Variants in RNLS observed in about 807,000 individuals in gnomAD.
The protein encoded by RNLS is renalase, FAD dependent amine oxidase, also known as renalase.
RNLS carries 39 observed loss-of-function variants against 39.8 expected under a neutral mutation model. That is an observed-to-expected ratio of 0.98 (90% confidence interval 0.76 to 1.28). The LOEUF is 1.28. Ranked by LOEUF, RNLS falls within the 50% of genes most tolerant of loss-of-function variation. The pLI, the probability that RNLS is intolerant of heterozygous loss-of-function variation, is 0.00. For missense variants in RNLS, 410 were observed against 413.3 expected (o/e 0.99, Z 0.07); for synonymous variants, 147 against 150.7 (o/e 0.98, Z 0.18).
intron 4 of RNLS, among the ~76,000 whole-genome samples, chr10:88,428,562 G>A (rs1490535354): frequency 6.6e-6 from 1 of 151,954 alleles, no homozygotes; most frequent in Non-Finnish European, 1.5e-5. Flanking sequence ...TTTCTACTTT[G>A]TGCTGTTCTC....
At chr10:88,350,072 T>G (rs1385379093) in intron 5 of RNLS, among the ~76,000 whole-genome samples, 1 of 152,076 alleles carries the variant, frequency 6.6e-6, no homozygotes, top group Admixed American at 6.5e-5. Context: ...AACCTGACAG[T>G]TTTTCATGAT....
intron 4 of RNLS, among the ~76,000 whole-genome samples, chr10:88,504,718 C>A (rs769938591): frequency 1.3e-5 from 2 of 151,858 alleles, no homozygotes; most frequent in East Asian, 1.9e-4. Context: ...CTACTAAATT[C>A]GAAGAACAAT....
At chr10:88,451,046 A>G (rs1842331328) in intron 4 of RNLS, among the ~76,000 whole-genome samples, 3 of 152,198 alleles carry the variant, frequency 2.0e-5, no homozygotes, top group Admixed American at 2.0e-4. Context: ...AGTAGGACTA[A>G]TAGGAATACA....
At chr10:88,487,295 C>T (rs1343990710) in intron 4 of RNLS, among the ~76,000 whole-genome samples, 1 of 151,854 alleles carries the variant, frequency 6.6e-6, no homozygotes, top group Non-Finnish European at 1.5e-5. Flanking sequence ...GTACAATAAA[C>T]CGCCATGACA....
At chr10:88,568,508 T>G (rs1771918051) in intron 4 of RNLS, among the ~76,000 whole-genome samples, 1 of 152,084 alleles carries the variant, frequency 6.6e-6, no homozygotes, top group South Asian at 2.1e-4. Context: ...GCTATTTTTT[T>G]GTGTGTGTCG....
intron 4 of RNLS, among the ~76,000 whole-genome samples, chr10:88,531,281 T>C (rs911177814): frequency 1.1e-4 from 15 of 136,358 alleles, no homozygotes; most frequent in African/African-American, 4.1e-4. Flanking sequence ...AAGAGAAACA[T>C]AAAAGCAGAA....
the RNLS span, among the ~76,000 whole-genome samples, chr10:88,175,634 C>T: frequency 6.6e-6 from 1 of 152,110 alleles, no homozygotes; most frequent in Admixed American, 6.5e-5. Context: ...TTTTAAAAAG[C>T]TTATTGAGAC....
At chr10:88,303,592 A>C (rs1844692937) in intron 6 of RNLS, among the ~76,000 whole-genome samples, 1 of 152,012 alleles carries the variant, frequency 6.6e-6, no homozygotes, top group Non-Finnish European at 1.5e-5. Context: ...AACTGTCCAC[A>C]TTGCTTTGCT....
intron 5 of RNLS, among the ~76,000 whole-genome samples, chr10:88,339,121 G>C (rs536416361): frequency 1.6e-4 from 25 of 152,168 alleles, no homozygotes; most frequent in Non-Finnish European, 3.4e-4. Context: ...CATGGTGGTG[G>C]CTGTGGAATG....
chr10:88,511,008 C>T (rs1354322409), intron 4 of RNLS, among the ~76,000 whole-genome samples: 2 of 143,722 alleles, frequency 1.4e-5, no homozygotes, highest in Non-Finnish European at 3.0e-5. Flanking sequence ...ATTATTATGC[C>T]CATTTTACAA....
intron 3 of RNLS, among the ~76,000 whole-genome samples, chr10:88,576,279 C>T (rs1850204362): frequency 6.6e-6 from 1 of 152,130 alleles, no homozygotes; most frequent in Non-Finnish European, 1.5e-5. Flanking sequence ...CTCTTATTGA[C>T]TTTTGTTTCC....
intron 5 of RNLS, among the ~76,000 whole-genome samples, chr10:88,328,551 A>C (rs1193866084): frequency 6.6e-6 from 1 of 152,182 alleles, no homozygotes; most frequent in East Asian, 1.9e-4. Flanking sequence ...CTTTTTGATT[A>C]AACCATGTTT....
intron 4 of RNLS, among the ~76,000 whole-genome samples, chr10:88,486,116 G>A (rs1005068955): frequency 6.6e-6 from 1 of 151,996 alleles, no homozygotes; most frequent in African/African-American, 2.4e-5. Flanking sequence ...AACAACCAAT[G>A]GGGAAAGGAC....
chr10:88,209,543 C>T, the RNLS span, among the ~76,000 whole-genome samples: 2 of 152,160 alleles, frequency 1.3e-5, no homozygotes, highest in Admixed American at 6.6e-5. Flanking sequence ...CCTTCTAATA[C>T]CTTGATTTCA....
At chr10:88,235,176 G>C in the RNLS span, among the ~76,000 whole-genome samples, 1 of 146,478 alleles carries the variant, frequency 6.8e-6, no homozygotes. Flanking sequence ...GCTGAGGCAA[G>C]AGAATGGCGT....
At chr10:88,343,719 T>C (rs1167820618) in intron 5 of RNLS, 1 of 985,284 alleles carries the variant, frequency 1.0e-6, no homozygotes, top group African/African-American at 1.7e-5. Flanking sequence ...GAGAAGATTT[T>C]CTTTGGCCGA....
At chr10:88,383,406 C>T (rs1269992786) in intron 4 of RNLS, among the ~76,000 whole-genome samples, 1 of 152,110 alleles carries the variant, frequency 6.6e-6, no homozygotes, top group Non-Finnish European at 1.5e-5. Context: ...GAAATTTATA[C>T]TGTGGTAAAG....
chr10:88,220,655 A>G, the RNLS span, among the ~76,000 whole-genome samples: 1 of 152,158 alleles, frequency 6.6e-6, no homozygotes, highest in Non-Finnish European at 1.5e-5. Flanking sequence ...ACTCCAGTGC[A>G]TTTGTAATAG....
intron 5 of RNLS, among the ~76,000 whole-genome samples, chr10:88,339,309 G>T (rs1847759314): frequency 6.6e-6 from 1 of 152,156 alleles, no homozygotes; most frequent in Admixed American, 6.5e-5. Context: ...GCATAGATTA[G>T]GTAGGATATG....
Sources: allele counts gnomAD v4.1 joint callset (sites outside exome capture counted in the v4.1 genomes callset), GRCh38; gene constraint gnomAD v4.1.1; transcripts MANE v1.5; gene names NCBI Gene and HGNC (gene_info 2026-07-23, HGNC 2026-07-21).